Variants in TMC2 observed in about 807,000 individuals in gnomAD.
TMC2 encodes the protein transmembrane channel-like protein 2.
In TMC2, 102 loss-of-function variants were observed where a neutral mutation model predicts 105.9. The ratio of observed to expected loss-of-function variants is 0.96; its 90% CI spans 0.82 to 1.14. The LOEUF is 1.14. Among genes scored for constraint, TMC2 ranks in the 50% most tolerant of loss-of-function variants. TMC2 has a pLI of 0.00. For missense variants in TMC2, 1,093 were observed against 1,134.3 expected (o/e 0.96, Z 0.52); for synonymous variants, 402 against 422.8 (o/e 0.95, Z 0.60).
intron 4 of TMC2, 123 bp downstream of exon 4, chr20:2,562,133 C>A: frequency 1.6e-6 from 2 of 1,247,456 alleles, no homozygotes; most frequent in Non-Finnish European, 2.2e-6. Flanking sequence ...CCAGCGAGGA[C>A]AGCACTCAGG....
rs377713387 is a variant in TMC2 at position 2,602,088 on chromosome 20, G to A, written c.1225-25G>A. 69 of 1,568,864 alleles carry A rather than the reference G, an allele frequency of 4.4e-5. No individual in the cohort carries two copies. In the African/African-American group the frequency reaches 8.7e-4, roughly 20 times the overall value. ...CTGGCATTTCTGGCCTGACATTTAT[G>A]CACATCTCATTTTCACACATTAAGG... is the stretch of plus-strand genomic sequence containing the variant. On this transcript the variant is annotated intron_variant, in intron 10 of 19. Coordinates refer to ENST00000358864, the MANE Select transcript of TMC2 (RefSeq NM_080751.3).
At chr20:2,538,525 C>G (rs990070805) in intron 2 of TMC2, among the ~76,000 whole-genome samples, 1 of 152,174 alleles carries the variant, frequency 6.6e-6, no homozygotes, top group African/African-American at 2.4e-5. Flanking sequence ...CTCCACACCC[C>G]ACTCCCCTCG....
intron 2 of TMC2, among the ~76,000 whole-genome samples, chr20:2,538,420 A>G (rs1049707425): frequency 1.3e-5 from 2 of 152,098 alleles, no homozygotes; most frequent in Admixed American, 1.3e-4. Flanking sequence ...AGAAAGTTCT[A>G]TGCCCCAGGG....
intron 7 of TMC2, among the ~76,000 whole-genome samples, chr20:2,580,930 C>T (rs1030255748): frequency 1.3e-5 from 2 of 152,206 alleles, no homozygotes; most frequent in African/African-American, 4.8e-5. Context: ...TCACTAAGCA[C>T]TGAGCACAGC....
intron 2 of TMC2, among the ~76,000 whole-genome samples, chr20:2,546,764 A>G (rs147541866): frequency 9.2e-5 from 14 of 152,310 alleles, no homozygotes; most frequent in Non-Finnish European, 1.9e-4. Context: ...TTTGGGGGCA[A>G]AACAAATAGT....
intron 17 of TMC2, 57 bp from the exon 18 acceptor site, chr20:2,635,869 A>G (rs1310868979): frequency 1.4e-6 from 2 of 1,425,516 alleles, no homozygotes; most frequent in South Asian, 1.1e-5. Flanking sequence ...AAAGGCGCCC[A>G]GCTCCTATCA....
chr20:2,595,306 G>A (rs2086297830), intron 9 of TMC2, among the ~76,000 whole-genome samples: 2 of 152,180 alleles, frequency 1.3e-5, no homozygotes, highest in African/African-American at 4.8e-5. Context: ...AGGCCAGTGT[G>A]GCTTGAGAGG....
At chr20:2,547,665 G>A (rs980584988) in intron 2 of TMC2, among the ~76,000 whole-genome samples, 9 of 152,156 alleles carry the variant, frequency 5.9e-5, no homozygotes, top group African/African-American at 1.9e-4. Context: ...AACTTCATTT[G>A]AGAGTCAATC....
Position 2,584,302 on chromosome 20 carries a change from G to C in TMC2, c.834+4246G>C, listed in dbSNP as rs575804036. 1.7e-3 allele frequency among the ~76,000 whole-genome samples: 250 copies of C among 146,816 alleles called. 15 individuals carry two copies. Among genetic ancestry groups the C allele is most frequent in the African/African-American group, 6.6e-3 (241 of 36,750 alleles). ...TACTAAAAATACAAAAAATTAGCCG[G>C]GCGTAGTGGCGGGTGCCTGTGGTCC... is the stretch of plus-strand genomic sequence containing the variant. On this transcript the variant is annotated intron_variant, in intron 7 of 19. Coordinates refer to ENST00000358864, the MANE Select transcript of TMC2 (RefSeq NM_080751.3).
rs1568527600 is a variant in TMC2, at chr20:2,620,113, A to AG, written c.2180+2802_2180+2803insG. ...AAAAAGAAAAGAGAAGAGAAGAAAA[A>AG]AACAGAACTTGGGTATTTAGCTGAA... is the stretch of plus-strand genomic sequence containing the variant. On this transcript the variant is annotated intron_variant, in intron 16 of 19. Coordinates refer to ENST00000358864, the MANE Select transcript of TMC2 (RefSeq NM_080751.3). Among the ~76,000 whole-genome samples the AG allele has an allele frequency of 3.3e-5, 5 of 152,076 alleles. No individual in the cohort carries two copies. The East Asian group carries it at 5.8e-4, about 18-fold the overall frequency.
chr20:2,573,807 G>T (rs999156107), intron 5 of TMC2, among the ~76,000 whole-genome samples: 2 of 151,678 alleles, frequency 1.3e-5, no homozygotes, highest in African/African-American at 2.4e-5. Flanking sequence ...TGATCCGCCC[G>T]CCTCGGCCTC....
At chr20:2,540,139 T>C (rs1304976054) in intron 2 of TMC2, among the ~76,000 whole-genome samples, 4 of 151,620 alleles carry the variant, frequency 2.6e-5, no homozygotes, top group Non-Finnish European at 4.4e-5. Flanking sequence ...TACAGGTGCC[T>C]GCCACCACGC....
rs141548865 is a variant in TMC2, at chr20:2,554,454, C to T, written c.83-4002C>T. Among the ~76,000 whole-genome samples, 369 of 152,224 alleles carry T rather than the reference C, an allele frequency of 2.4e-3. 2 individuals carry two copies. The highest frequency in any genetic ancestry group is 3.8e-3 in the Non-Finnish European group (261 of 68,012). ...GTGTTCAATTTCATTGATTTCTGCT[C>T]TAATTTTTATTATTCTTTTTATTCT... On this transcript the variant is annotated intron_variant, in intron 2 of 19. Coordinates refer to ENST00000358864, the MANE Select transcript of TMC2 (RefSeq NM_080751.3).
chr20:2,611,866 ATGGGTGGGTGGGTGGG>A (rs1231486508), intron 12 of TMC2, among the ~76,000 whole-genome samples: 9 of 85,806 alleles, frequency 1.0e-4, no homozygotes, highest in Middle Eastern at 7.2e-3. Flanking sequence ...GGATGGATGG[ATGGGTGGGTGGGTGGG>A]TGGGTGGATG....
chr20:2,606,681 C>T (rs1233122113), intron 11 of TMC2, among the ~76,000 whole-genome samples: 1 of 151,332 alleles, frequency 6.6e-6, no homozygotes, highest in African/African-American at 2.4e-5. Flanking sequence ...TCTTTAGGAC[C>T]TCCTATTATA....
intron 7 of TMC2, among the ~76,000 whole-genome samples, chr20:2,584,081 C>T (rs2086214139): frequency 6.6e-6 from 1 of 152,114 alleles, no homozygotes; most frequent in Non-Finnish European, 1.5e-5. Flanking sequence ...ACATAGCAAG[C>T]ATTCAGTCTG....
intron 5 of TMC2, among the ~76,000 whole-genome samples, chr20:2,576,377 C>T (rs1319620933): frequency 6.6e-6 from 1 of 152,240 alleles, no homozygotes; most frequent in Non-Finnish European, 1.5e-5. Context: ...AGGCCTCTCT[C>T]TGCCTCTGCT....
At chr20:2,589,175 T>C (rs2086250667) in intron 7 of TMC2, among the ~76,000 whole-genome samples, 1 of 152,052 alleles carries the variant, frequency 6.6e-6, no homozygotes, top group East Asian at 1.9e-4. Context: ...CTAAGCAAGA[T>C]GGTCTATATT....
chr20:2,565,814 C>A (rs2086060255), intron 4 of TMC2, among the ~76,000 whole-genome samples: 1 of 152,170 alleles, frequency 6.6e-6, no homozygotes, highest in Non-Finnish European at 1.5e-5. Context: ...CTGAGGCGGG[C>A]AGATCACTTG....
Sources: allele counts gnomAD v4.1 joint callset (sites outside exome capture counted in the v4.1 genomes callset), GRCh38; gene constraint gnomAD v4.1.1; transcripts MANE v1.5; gene names NCBI Gene and HGNC (gene_info 2026-07-23, HGNC 2026-07-21).